Variants in THRB observed in about 807,000 individuals in gnomAD.
THRB encodes nuclear receptor subfamily 1 group A member 2.
In THRB, 12 loss-of-function variants were observed where a neutral mutation model predicts 47.8. The ratio of observed to expected loss-of-function variants is 0.25; its 90% CI spans 0.16 to 0.41. THRB has a LOEUF of 0.41. Ranked by LOEUF, THRB falls within the 10% of genes least tolerant of loss-of-function variation. The probability of loss-of-function intolerance (pLI) is 1.00; values close to 1 mark genes in which losing one functional copy is unlikely to be tolerated. For missense variants in THRB, 348 were observed against 589.2 expected (o/e 0.59, Z 4.24); for synonymous variants, 218 against 212.2 (o/e 1.03, Z -0.24).
chr3:24,291,227 CAGTTT>C (rs2055887302), intron 3 of THRB, among the ~76,000 whole-genome samples: 1 of 152,172 alleles, frequency 6.6e-6, no homozygotes, highest in Non-Finnish European at 1.5e-5. Flanking sequence ...TATGATGCAG[CAGTTT>C]AAAGACTTTA....
rs141722466 is a variant in THRB at position 24,264,131 on chromosome 3, T to C, written c.-43+33095A>G. On this transcript the variant is annotated intron_variant, in intron 3 of 10. Coordinates refer to ENST00000646209, the MANE Select transcript of THRB (RefSeq NM_001354712.2). ...AAGTTCCCCATTCCCCCTGATTGCA[T>C]CTCTGGCTGTTTTTCCTCACTCACT... 2.3e-3 allele frequency among the ~76,000 whole-genome samples: 357 copies of C among 152,276 alleles called. 1 individual carries two copies. Among genetic ancestry groups the C allele is most frequent in the African/African-American group, 8.3e-3 (344 of 41,568 alleles).
chr3:24,420,747 G>A (rs1041776319), intron 1 of THRB, among the ~76,000 whole-genome samples: 18 of 151,900 alleles, frequency 1.2e-4, no homozygotes, highest in African/African-American at 4.3e-4. Context: ...TGCACTGTCG[G>A]TGGGAATGTA....
At chr3:24,196,408 G>T (rs1348781585) in intron 4 of THRB, among the ~76,000 whole-genome samples, 2 of 152,118 alleles carry the variant, frequency 1.3e-5, no homozygotes, top group African/African-American at 4.8e-5. Flanking sequence ...TGTAAAATGG[G>T]AATATACTAT....
At chr3:24,234,698 A>C (rs2048688661) in intron 3 of THRB, among the ~76,000 whole-genome samples, 1 of 152,216 alleles carries the variant, frequency 6.6e-6, no homozygotes, top group Non-Finnish European at 1.5e-5. Flanking sequence ...ATGTGTTTGA[A>C]GGCACTGAAG....
intron 5 of THRB, among the ~76,000 whole-genome samples, chr3:24,182,655 A>T (rs969641879): frequency 6.6e-6 from 1 of 152,198 alleles, no homozygotes; most frequent in African/African-American, 2.4e-5. Context: ...GTCCCATGAG[A>T]TCATTTAAGA....
intron 1 of THRB, among the ~76,000 whole-genome samples, chr3:24,404,851 T>C (rs2067694584): frequency 6.6e-6 from 1 of 151,790 alleles, no homozygotes; most frequent in Non-Finnish European, 1.5e-5. Context: ...GATCTCCTTA[T>C]ATTATTTTCT....
intron 1 of THRB, among the ~76,000 whole-genome samples, chr3:24,389,382 G>A (rs1577257370): frequency 6.6e-6 from 1 of 152,150 alleles, no homozygotes; most frequent in East Asian, 1.9e-4. Flanking sequence ...AAGGGCAAGT[G>A]CTCCCACAGA....
chr3:24,348,817 A>G (rs2063188118), intron 1 of THRB: 1 of 152,148 alleles, frequency 6.6e-6, no homozygotes, highest in East Asian at 1.9e-4. Flanking sequence ...CCTAAGACTA[A>G]GAATAATTCA....
chr3:24,482,390 C>T (rs1450591436), intron 1 of THRB, among the ~76,000 whole-genome samples: 1 of 152,150 alleles, frequency 6.6e-6, no homozygotes, highest in Non-Finnish European at 1.5e-5. Flanking sequence ...TTGCCAGAGA[C>T]CATAGCTGGA....
intron 2 of THRB, among the ~76,000 whole-genome samples, chr3:24,325,192 G>T (rs1032113374): frequency 6.6e-6 from 1 of 152,124 alleles, no homozygotes; most frequent in African/African-American, 2.4e-5. Flanking sequence ...GATTTGCTGG[G>T]GGAGAAAGGT....
chr3:24,490,099 T>C (rs71328481), intron 1 of THRB, among the ~76,000 whole-genome samples: 17 of 152,140 alleles, frequency 1.1e-4, no homozygotes, highest in African/African-American at 4.1e-4. Context: ...ATGGAGACAA[T>C]TTCAGAATCC....
intron 3 of THRB, among the ~76,000 whole-genome samples, chr3:24,274,538 T>A (rs986412847): frequency 1.3e-5 from 2 of 152,176 alleles, no homozygotes; most frequent in African/African-American, 4.8e-5. Flanking sequence ...TAATGAACAA[T>A]TTTGGTGACT....
chr3:24,207,285 A>C (rs2149803246), intron 4 of THRB, among the ~76,000 whole-genome samples: 1 of 152,344 alleles, frequency 6.6e-6, no homozygotes, highest in Non-Finnish European at 1.5e-5. Context: ...CGCATCAAAA[A>C]GCTTACCCAC....
intron 1 of THRB, among the ~76,000 whole-genome samples, chr3:24,434,612 T>C (rs1280088581): frequency 6.6e-6 from 1 of 152,170 alleles, no homozygotes; most frequent in African/African-American, 2.4e-5. Context: ...GGTGGGATGT[T>C]GTGATAGAGA....
At chr3:24,319,814 T>G (rs2058363122) in intron 2 of THRB, among the ~76,000 whole-genome samples, 1 of 152,224 alleles carries the variant, frequency 6.6e-6, no homozygotes, top group Admixed American at 6.5e-5. Context: ...ATGGGTCATA[T>G]ACACCCTTGC....
intron 3 of THRB, among the ~76,000 whole-genome samples, chr3:24,231,266 A>T (rs1429256056): frequency 6.6e-6 from 1 of 152,204 alleles, no homozygotes; most frequent in African/African-American, 2.4e-5. Context: ...GAAGCTATAA[A>T]ATCCCAGTTA....
chr3:24,253,245 G>C (rs1159991377), intron 3 of THRB, among the ~76,000 whole-genome samples: 1 of 152,118 alleles, frequency 6.6e-6, no homozygotes, highest in Non-Finnish European at 1.5e-5. Context: ...CTATAGAAAG[G>C]TAACCATTTA....
At position 24,311,650 on chromosome 3, in the gene THRB, C is replaced by T. The variant is rs927112584; in HGVS notation, c.-188-14279G>A. Among the ~76,000 whole-genome samples the T allele has an allele frequency of 2.6e-5, 4 of 152,246 alleles. 1 individual carries two copies. The highest frequency in any genetic ancestry group is 9.6e-5 in the African/African-American group (4 of 41,544). On this transcript the variant is annotated intron_variant, in intron 2 of 10. Transcript: ENST00000646209. The stretch of plus-strand genomic sequence containing the variant: ...ATTCTTATTGTTCTTTTCATTTCCA[C>T]CCCTATGTCATCCAGTTAATCTCCA...
chr3:24,293,915 G>T (rs1316221677), intron 3 of THRB, among the ~76,000 whole-genome samples: 1 of 152,160 alleles, frequency 6.6e-6, no homozygotes, highest in Non-Finnish European at 1.5e-5. Context: ...CCTGGTACTT[G>T]GATTTCCAGT....
Sources: allele counts gnomAD v4.1 joint callset (sites outside exome capture counted in the v4.1 genomes callset), GRCh38; gene constraint gnomAD v4.1.1; transcripts MANE v1.5; gene names NCBI Gene and HGNC (gene_info 2026-07-23, HGNC 2026-07-21).